The following DEUP1 variants were observed in gnomAD, a reference collection of about 807,000 sequenced individuals.
The protein encoded by DEUP1 is coiled-coil domain containing 67.
DEUP1 carries 82 observed loss-of-function variants against 87.4 expected under a neutral mutation model. The observed-to-expected ratio is 0.94, with a 90% confidence interval of 0.78 to 1.13. DEUP1 has a LOEUF of 1.13. Among genes scored for constraint, DEUP1 ranks in the 50% most tolerant of loss-of-function variants. The pLI, the probability that DEUP1 is intolerant of heterozygous loss-of-function variation, is 0.00. For synonymous variants in DEUP1, 214 were observed against 222.7 expected, an observed-to-expected ratio of 0.96 and a Z score of 0.35; for missense variants, 663 against 681.5, an observed-to-expected ratio of 0.97 and a Z score of 0.30.
chr11:93,330,720 C>G (rs1469845631), upstream of DEUP1: 1 of 152,712 alleles, frequency 6.5e-6, no homozygotes, highest in Non-Finnish European at 1.5e-5. Flanking sequence ...AGGTGACATA[C>G]GCGGTCCTGC....
At chr11:93,409,710 C>G (rs1035863680) in intron 12 of DEUP1, among the ~76,000 whole-genome samples, 1 of 152,050 alleles carries the variant, frequency 6.6e-6, no homozygotes, top group African/African-American at 2.4e-5. Flanking sequence ...TATTCACAGC[C>G]CTGGAAAATT....
At chr11:93,391,777 A>C (rs1946773190) in intron 9 of DEUP1, among the ~76,000 whole-genome samples, 1 of 152,082 alleles carries the variant, frequency 6.6e-6, no homozygotes, top group Non-Finnish European at 1.5e-5. Context: ...GGATGCGATC[A>C]GCAAAATCCA....
At chr11:93,360,070 G>A (rs1177072465) in intron 4 of DEUP1, among the ~76,000 whole-genome samples, 4 of 152,096 alleles carry the variant, frequency 2.6e-5, no homozygotes. Flanking sequence ...ACTGCTTAGT[G>A]GTGACAAGTT....
intron 2 of DEUP1, 130 bp downstream of exon 2, chr11:93,332,418 G>A (rs1943537830): frequency 1.5e-6 from 1 of 664,680 alleles, no homozygotes; most frequent in East Asian, 2.8e-5. Flanking sequence ...AGGCGGATGA[G>A]AGGAAATATG....
At chr11:93,419,884 T>TA (rs140472553) in intron 13 of DEUP1, among the ~76,000 whole-genome samples, 75 of 146,598 alleles carry the variant, frequency 5.1e-4, no homozygotes, top group Middle Eastern at 3.4e-3. Flanking sequence ...AAATAAAAAT[T>TA]AAAAAAAAAA....
At chr11:93,368,535 A>G (rs2134256718) in intron 5 of DEUP1, among the ~76,000 whole-genome samples, 1 of 152,312 alleles carries the variant, frequency 6.6e-6, no homozygotes, top group East Asian at 1.9e-4. Context: ...CACGTGGCCA[A>G]CAGGAGAGAA....
intron 12 of DEUP1, among the ~76,000 whole-genome samples, chr11:93,409,280 T>C (rs1289972362): frequency 6.6e-6 from 1 of 152,206 alleles, no homozygotes; most frequent in Admixed American, 6.5e-5. Context: ...GGAAAATCAT[T>C]ATCGGCTGTC....
At chr11:93,417,578 T>C (rs1404496457) in intron 13 of DEUP1, among the ~76,000 whole-genome samples, 1 of 152,188 alleles carries the variant, frequency 6.6e-6, no homozygotes, top group Non-Finnish European at 1.5e-5. Context: ...GTAGGAAGAA[T>C]CAATATCATG....
intron 2 of DEUP1, among the ~76,000 whole-genome samples, chr11:93,339,613 G>A (rs1305984280): frequency 6.6e-6 from 1 of 152,154 alleles, no homozygotes; most frequent in African/African-American, 2.4e-5. Flanking sequence ...CAGGGACTCA[G>A]GAATATCCAA....
chr11:93,345,179 G>T (rs541659092), intron 2 of DEUP1, among the ~76,000 whole-genome samples: 115 of 152,252 alleles, frequency 7.6e-4, no homozygotes, highest in African/African-American at 2.6e-3. Flanking sequence ...TTACTGCAAA[G>T]GACATGATCT....
chr11:93,413,241 A>ATTT lies in DEUP1; in HGVS notation c.1524-1743_1524-1741dup, dbSNP rs11331603. Among the ~76,000 whole-genome samples the ATTT allele has an allele frequency of 1.5e-3, 174 of 118,010 alleles. 1 individual carries two copies. Among genetic ancestry groups the ATTT allele is most frequent in the African/African-American group, 5.2e-3 (167 of 31,874 alleles). The allele number at this position is 118,010 out of a possible 152,430, so 77.4% of individuals were successfully genotyped here. On this transcript the variant is annotated intron_variant, in intron 12 of 13. Coordinates refer to ENST00000298050, the MANE Select transcript of DEUP1 (RefSeq NM_181645.4). The stretch of plus-strand genomic sequence containing the variant: ...ATTTTCGTTTTGATGGTCTTTGATG[A>ATTT]TTTTTTTTTTTTTTTTTTGAGACGG...
chr11:93,385,349 G>A (rs3020057), intron 7 of DEUP1, 49 bp from the exon 8 acceptor site: 1,252,159 of 1,585,138 alleles, frequency 0.79, 495,502 homozygotes, highest in East Asian at 0.89. Flanking sequence ...TGCATTGTAC[G>A]TTATGATAAC....
chr11:93,357,910 C>T (rs1944972398), intron 4 of DEUP1, among the ~76,000 whole-genome samples: 1 of 152,128 alleles, frequency 6.6e-6, no homozygotes, highest in Non-Finnish European at 1.5e-5. Flanking sequence ...AGACATTTTG[C>T]CTATAGTTCA....
At chr11:93,404,283 A>G (rs1332744733) in intron 11 of DEUP1, among the ~76,000 whole-genome samples, 1 of 152,046 alleles carries the variant, frequency 6.6e-6, no homozygotes, top group East Asian at 1.9e-4. Flanking sequence ...CAAATAATCA[A>G]GCTTATCGTC....
intron 7 of DEUP1, among the ~76,000 whole-genome samples, chr11:93,382,261 A>G (rs893641938): frequency 1.3e-5 from 2 of 152,202 alleles, no homozygotes; most frequent in African/African-American, 4.8e-5. Context: ...TTCAAGGTCA[A>G]AAAACAATTT....
chr11:93,412,506 C>T (rs1947466042), intron 12 of DEUP1, among the ~76,000 whole-genome samples: 2 of 152,100 alleles, frequency 1.3e-5, no homozygotes, highest in Non-Finnish European at 2.9e-5. Context: ...TTCATAATGT[C>T]GTCTCTACAT....
intron 8 of DEUP1, among the ~76,000 whole-genome samples, chr11:93,387,854 G>T (rs1452762262): frequency 2.0e-5 from 3 of 151,940 alleles, no homozygotes; most frequent in Non-Finnish European, 4.4e-5. Flanking sequence ...GGAAACAAAA[G>T]GACACTGAAA....
intron 12 of DEUP1, among the ~76,000 whole-genome samples, chr11:93,413,988 C>T (rs1368315307): frequency 6.6e-6 from 1 of 151,978 alleles, no homozygotes; most frequent in Non-Finnish European, 1.5e-5. Flanking sequence ...ATAATAATAC[C>T]TAATCTTTAC....
chr11:93,398,856 G>A (rs1947023355), intron 11 of DEUP1, among the ~76,000 whole-genome samples: 1 of 151,916 alleles, frequency 6.6e-6, no homozygotes, highest in Non-Finnish European at 1.5e-5. Flanking sequence ...AAGCAGCTGG[G>A]ATTACAGGCA....
Sources: allele counts gnomAD v4.1 joint callset (sites outside exome capture counted in the v4.1 genomes callset), GRCh38; gene constraint gnomAD v4.1.1; transcripts MANE v1.5; gene names NCBI Gene and HGNC (gene_info 2026-07-23, HGNC 2026-07-21).